The following DLG2 variants were observed in gnomAD, a reference collection of about 807,000 sequenced individuals.
DLG2 encodes the protein disks large homolog 2.
A neutral mutation model predicts 132.5 loss-of-function variants in DLG2; 45 were observed. The observed-to-expected ratio is 0.34, with a 90% CI of 0.27 to 0.44. The LOEUF is 0.44. DLG2 is among the 20% of genes least tolerant of loss of function. DLG2 has a pLI of 1.00. For missense variants in DLG2, 1,045 were observed against 1,196.9 expected, an observed-to-expected ratio of 0.87 and a Z score of 1.87; for synonymous variants, 424 against 419.6, an observed-to-expected ratio of 1.01 and a Z score of -0.13.
chr11:85,378,065 A>G (rs2085576820), intron 3 of DLG2, among the ~76,000 whole-genome samples: 1 of 152,068 alleles, frequency 6.6e-6, no homozygotes, highest in South Asian at 2.1e-4. Context: ...ATGTAGATTA[A>G]TACATGACAC....
chr11:85,193,351 T>C (rs1595251431), intron 4 of DLG2, among the ~76,000 whole-genome samples: 1 of 152,232 alleles, frequency 6.6e-6, no homozygotes, highest in East Asian at 1.9e-4. Flanking sequence ...TTTTTGGCTA[T>C]TATGAATAAT....
chr11:84,158,284 C>G (rs1220461415), intron 9 of DLG2, among the ~76,000 whole-genome samples: 2 of 151,996 alleles, frequency 1.3e-5, no homozygotes, highest in Non-Finnish European at 2.9e-5. Flanking sequence ...AGGATGGTCT[C>G]GATCTCCTGA....
chr11:83,621,754 TA>T (rs1246407121), intron 19 of DLG2, among the ~76,000 whole-genome samples: 6 of 152,202 alleles, frequency 3.9e-5, no homozygotes, highest in Non-Finnish European at 8.8e-5. Context: ...TTACCTCTAC[TA>T]TACTACATAT....
chr11:85,563,302 C>T (rs981573725), intron 3 of DLG2, among the ~76,000 whole-genome samples: 1 of 151,646 alleles, frequency 6.6e-6, no homozygotes, highest in African/African-American at 2.4e-5. Flanking sequence ...ATGTAACCAA[C>T]ACAACAATCA....
intron 5 of DLG2, among the ~76,000 whole-genome samples, chr11:85,115,802 A>G (rs1309927932): frequency 6.6e-6 from 1 of 151,980 alleles, no homozygotes; most frequent in Admixed American, 6.6e-5. Flanking sequence ...AAACTCCTCA[A>G]TTCTGGACCT....
chr11:84,640,945 AAAC>A (rs2099660317), intron 6 of DLG2, among the ~76,000 whole-genome samples: 4 of 143,110 alleles, frequency 2.8e-5, no homozygotes, highest in African/African-American at 1.0e-4. Context: ...GTCTCAAAAC[AAAC>A]AAACAAAAAA....
chr11:84,821,640 AAC>A (rs71923125), intron 6 of DLG2, among the ~76,000 whole-genome samples: 37,467 of 142,226 alleles, frequency 0.26, 5,673 homozygotes, highest in Middle Eastern at 0.33. Context: ...AAAAAAAAAA[AAC>A]AACAACAACA....
intron 9 of DLG2, among the ~76,000 whole-genome samples, chr11:84,146,621 A>C (rs972197616): frequency 5.3e-5 from 8 of 152,192 alleles, no homozygotes; most frequent in Admixed American, 2.6e-4. Context: ...TTTTGAGAAC[A>C]GGCTGTGGCA....
Position 85,626,666 on chromosome 11 carries a change from C to A in DLG2, c.-172G>T, listed in dbSNP as rs1197986143. The A allele has an allele frequency of 2.0e-5, 3 of 152,174 alleles. No individual in the cohort carries two copies. Among genetic ancestry groups the A allele is most frequent in the Non-Finnish European group, 4.4e-5 (3 of 68,042 alleles). The allele number at this position is 152,174 out of a possible 1,614,324, so 9.4% of individuals were successfully genotyped here. A position where few individuals can be genotyped will look rare whatever the true frequency, so the allele number is the denominator to read the frequency against. On this transcript the variant is annotated 5_prime_UTR_variant, in exon 2 of 28. Coordinates refer to ENST00000376104, the MANE Select transcript of DLG2 (RefSeq NM_001142699.3). Reference sequence around the variant, plus strand: ...GGAGTCAATATCTCTTTTCAGGTCTCAGTTTGATCCAGCTGGATTGAGGCC... The same window carrying A: ...GGAGTCAATATCTCTTTTCAGGTCTAAGTTTGATCCAGCTGGATTGAGGCC...
At chr11:84,583,922 T>A (rs1053688985) in intron 6 of DLG2, among the ~76,000 whole-genome samples, 1 of 152,152 alleles carries the variant, frequency 6.6e-6, no homozygotes, top group African/African-American at 2.4e-5. Flanking sequence ...TTCTATTATG[T>A]GAATATTCCA....
intron 6 of DLG2, among the ~76,000 whole-genome samples, chr11:84,583,791 T>C (rs1030218011): frequency 6.6e-6 from 1 of 152,146 alleles, no homozygotes; most frequent in African/African-American, 2.4e-5. Flanking sequence ...TGCTTCTTTT[T>C]GACCTTCATA....
In DLG2 at chr11:83,899,014, C is replaced by T. The variant is rs2072632654; in HGVS notation, c.1497-24526G>A. On this transcript the variant is annotated intron_variant, in intron 15 of 27. Transcript: ENST00000376104. ...GATTAAACAGCACAGCTCCCATTACCAGGTGTCAGATGGCTGAATTTATAC... is the reference window on the plus strand; with the variant it reads ...GATTAAACAGCACAGCTCCCATTACTAGGTGTCAGATGGCTGAATTTATAC... Among the ~76,000 whole-genome samples the T allele has an allele frequency of 6.6e-5, 10 of 152,126 alleles. No homozygotes were observed. The South Asian group carries it at 2.1e-3, about 31-fold the overall frequency.
At chr11:84,976,526 T>C (rs2054930985) in intron 6 of DLG2, among the ~76,000 whole-genome samples, 1 of 152,182 alleles carries the variant, frequency 6.6e-6, no homozygotes. Flanking sequence ...TATTTAATAT[T>C]TTTAAATTTT....
chr11:85,494,490 C>T (rs1022684926), intron 3 of DLG2, among the ~76,000 whole-genome samples: 4 of 151,560 alleles, frequency 2.6e-5, no homozygotes, highest in African/African-American at 9.7e-5. Flanking sequence ...CATACACAAA[C>T]AAGATTAAAA....
intron 7 of DLG2, among the ~76,000 whole-genome samples, chr11:84,335,681 A>G (rs1046911815): frequency 1.3e-5 from 2 of 152,226 alleles, no homozygotes; most frequent in African/African-American, 4.8e-5. Context: ...TCTCAGCTGC[A>G]TCATCAATCA....
intron 6 of DLG2, among the ~76,000 whole-genome samples, chr11:84,885,675 A>T (rs980413994): frequency 1.3e-5 from 2 of 152,098 alleles, no homozygotes; most frequent in African/African-American, 4.8e-5. Context: ...TCATAGGATA[A>T]ATGTGTGTAG....
chr11:84,519,502 G>C (rs968630244), intron 7 of DLG2, among the ~76,000 whole-genome samples: 1 of 152,162 alleles, frequency 6.6e-6, no homozygotes, highest in African/African-American at 2.4e-5. Context: ...TGCCTTGTAA[G>C]AATACATCAA....
chr11:83,879,446 T>G (rs2065587888), intron 15 of DLG2, among the ~76,000 whole-genome samples: 1 of 152,206 alleles, frequency 6.6e-6, no homozygotes, highest in Non-Finnish European at 1.5e-5. Context: ...TTCATCTCTC[T>G]CTTGCATATT....
At chr11:83,809,837 A>T (rs994782727) in intron 17 of DLG2, among the ~76,000 whole-genome samples, 34 of 152,270 alleles carry the variant, frequency 2.2e-4, no homozygotes, top group Middle Eastern at 3.4e-3. Flanking sequence ...ACATTTGGAG[A>T]TGTGAAAACC....
Sources: gnomAD v4.1 joint callset for allele counts (sites outside exome capture counted in the v4.1 genomes callset) on GRCh38, gnomAD v4.1.1 for gene constraint, MANE v1.5 for transcripts, NCBI Gene and HGNC (gene_info 2026-07-23, HGNC 2026-07-21) for gene names.